CHD7: variants seen among roughly 807,000 people sequenced by gnomAD.
CHD7 encodes ATP-dependent chromatin remodeler CHD7.
A neutral mutation model predicts 307.3 loss-of-function variants in CHD7; 24 were observed. That is an observed-to-expected ratio of 0.08 (90% CI 0.06 to 0.11). The LOEUF (loss-of-function observed/expected upper bound fraction) is 0.11, where lower values mean the gene tolerates loss of function less well. CHD7 is among the 10% of genes least tolerant of loss of function. CHD7 has a pLI of 1.00. For missense variants in CHD7, 3,106 were observed against 3,727.1 expected (o/e 0.83, Z 4.34); for synonymous variants, 1,363 against 1,349.9 (o/e 1.01, Z -0.21).
chr8:60,699,713 C>G (rs1806663277), intron 1 of CHD7, among the ~76,000 whole-genome samples: 1 of 152,126 alleles, frequency 6.6e-6, no homozygotes, highest in South Asian at 2.1e-4. Context: ...TAGTCCATCT[C>G]CATTTCTACC....
At chr8:60,820,137 A>G (rs375436707) in intron 9 of CHD7, 47 bp downstream of exon 9, 1 of 1,219,232 alleles carries the variant, frequency 8.2e-7, no homozygotes, top group Non-Finnish European at 1.2e-6. Flanking sequence ...CAGGCAACCC[A>G]TACATGTTTA....
chr8:60,680,445 GT>G, intron 1 of CHD7, among the ~76,000 whole-genome samples: 1 of 144,842 alleles, frequency 6.9e-6, no homozygotes, highest in Admixed American at 6.8e-5. Context: ...CCGGGCGGGG[GT>G]GGGGGCGCTG....
At position 60,836,050 on chromosome 8, in the gene CHD7, G is replaced by A. The variant is rs759588723; in HGVS notation, c.3779-23G>A. 1.5e-5 allele frequency: 24 copies of A among 1,564,570 alleles called. No individual in the cohort carries two copies. In the African/African-American group the frequency reaches 1.9e-4, roughly 12 times the overall value. On this transcript the variant is annotated intron_variant, in intron 15 of 37. Coordinates refer to ENST00000423902, the MANE Select transcript of CHD7 (RefSeq NM_017780.4). ...AATAAAAACCTTTTACAGTATTCAC[G>A]TTATGCTGTCCAATCTCTGCAGGTG...
At chr8:60,761,145 T>C (rs1318437173) in intron 2 of CHD7, among the ~76,000 whole-genome samples, 4 of 151,682 alleles carry the variant, frequency 2.6e-5, no homozygotes, top group African/African-American at 9.7e-5. Context: ...ATATACACCA[T>C]GGAATACTAT....
intron 3 of CHD7, among the ~76,000 whole-genome samples, chr8:60,781,804 C>G (rs1343395959): frequency 6.6e-6 from 1 of 152,158 alleles, no homozygotes; most frequent in Non-Finnish European, 1.5e-5. Context: ...GAAGAAAGGT[C>G]ACTATATTTC....
chr8:60,831,935 C>T (rs1294231961), intron 15 of CHD7, among the ~76,000 whole-genome samples: 2 of 152,050 alleles, frequency 1.3e-5, no homozygotes, highest in African/African-American at 4.8e-5. Flanking sequence ...CAGAGTAGTC[C>T]ACTCCTGGAA....
intron 25 of CHD7, among the ~76,000 whole-genome samples, chr8:60,849,608 A>T (rs964079506): frequency 1.3e-5 from 2 of 152,172 alleles, no homozygotes; most frequent in Non-Finnish European, 2.9e-5. Context: ...CCTGAGTGGG[A>T]TGCAGCCTTG....
At chr8:60,681,670 T>C (rs1805638370) in intron 1 of CHD7, among the ~76,000 whole-genome samples, 1 of 152,252 alleles carries the variant, frequency 6.6e-6, no homozygotes, top group African/African-American at 2.4e-5. Flanking sequence ...TCTTTTTTGG[T>C]AATCTGCTGA....
intron 2 of CHD7, among the ~76,000 whole-genome samples, chr8:60,764,203 G>A (rs547557489): frequency 1.9e-4 from 29 of 152,026 alleles, no homozygotes; most frequent in African/African-American, 6.7e-4. Context: ...GTTAGCCAGG[G>A]TGGTCTCAAT....
intron 1 of CHD7, among the ~76,000 whole-genome samples, chr8:60,722,672 GT>G (rs1234045736): frequency 3.3e-5 from 5 of 152,154 alleles, no homozygotes; most frequent in African/African-American, 4.8e-5. Flanking sequence ...AACAAAAGTT[GT>G]TGACAATGAG....
rs750844697 is a variant in CHD7 at position 60,742,214 on chromosome 8, C to T, written c.782C>T (p.Ser261Phe). The change falls in exon 2 of 38, where the codon TCT becomes TTT. Residue 261 changes from serine to phenylalanine, a missense_variant. Around this residue, in one of 10 missense-constraint regions of CHD7, gnomAD observed 998 missense variants for 1,004.5 expected, o/e 0.99. Transcript: ENST00000423902. ...GTGCAGCAGTTCCATCACCACCCCT[C>T]TACTGCTCTCCATGGAGAATCCGTT... ...HSVQQFHHHP[S>F]TALHGESVAH... 1 of 1,613,816 alleles carries T rather than the reference C, an allele frequency of 6.2e-7. No individual in the cohort carries two copies. Among genetic ancestry groups the T allele is most frequent in the African/African-American group, 1.3e-5 (1 of 74,898 alleles).
intron 8 of CHD7, among the ~76,000 whole-genome samples, chr8:60,818,855 T>A (rs1312648733): frequency 1.3e-5 from 2 of 152,242 alleles, no homozygotes; most frequent in African/African-American, 2.4e-5. Flanking sequence ...AGTTATGTTA[T>A]TGATAAGTTA....
At chr8:60,777,503 A>G (rs1035383758) in intron 2 of CHD7, among the ~76,000 whole-genome samples, 9 of 152,226 alleles carry the variant, frequency 5.9e-5, no homozygotes, top group Non-Finnish European at 1.0e-4. Context: ...GCTTTTTTAC[A>G]TATCTTTTCA....
rs1343724386 is a variant in CHD7, at chr8:60,795,221, T to C, written c.2238+94T>C. ...ACACAAGACCTCCCCTATCTTGTTA[T>C]AGAGATGCTCTTGAGATGTCTTTAT... On this transcript the variant is annotated intron_variant, in intron 4 of 37. Transcript: ENST00000423902. 6.8e-6 allele frequency: 8 copies of C among 1,183,440 alleles called. No homozygotes were observed. The East Asian group carries it at 1.9e-4, about 28-fold the overall frequency. 73.3% of individuals were successfully genotyped at this position (1,183,440 alleles called of 1,614,324 possible).
chr8:60,744,577 G>A (rs1809229373), intron 2 of CHD7, among the ~76,000 whole-genome samples: 1 of 147,898 alleles, frequency 6.8e-6, no homozygotes, highest in African/African-American at 2.5e-5. Flanking sequence ...TTTAGGCCAG[G>A]CACAATGGCT....
chr8:60,758,035 A>G (rs1487485456), intron 2 of CHD7, among the ~76,000 whole-genome samples: 2 of 152,242 alleles, frequency 1.3e-5, no homozygotes, highest in African/African-American at 4.8e-5. Context: ...GTTATTTACC[A>G]TATCAGAAAT....
chr8:60,695,722 G>A (rs1806433939), intron 1 of CHD7, among the ~76,000 whole-genome samples: 1 of 152,082 alleles, frequency 6.6e-6, no homozygotes, highest in Admixed American at 6.5e-5. Context: ...AAACTTAATT[G>A]TCAATAAACA....
chr8:60,808,415 A>G (rs995595611), intron 7 of CHD7, 143 bp downstream of exon 7: 11 of 621,948 alleles, frequency 1.8e-5, no homozygotes, highest in Non-Finnish European at 8.4e-6. Context: ...TTTTTAACCA[A>G]CTTTTGTATG....
chr8:60,759,517 C>A (rs1586280006), intron 2 of CHD7, among the ~76,000 whole-genome samples: 2 of 151,544 alleles, frequency 1.3e-5, no homozygotes, highest in South Asian at 4.2e-4. Context: ...CTCCCTCTCT[C>A]CCTCTTTCTC....
Sources: allele counts gnomAD v4.1 joint callset (sites outside exome capture counted in the v4.1 genomes callset), GRCh38; gene constraint gnomAD v4.1.1; regional missense constraint gnomAD v4.1.1; transcripts MANE v1.5; gene names NCBI Gene and HGNC (gene_info 2026-07-23, HGNC 2026-07-21).